The following ST18 variants were observed in gnomAD, a reference collection of about 807,000 sequenced individuals.
ST18 encodes ST18 C2H2C-type zinc finger transcription factor, also known as suppression of tumorigenicity 18 protein.
A neutral mutation model predicts 110.0 loss-of-function variants in ST18; 50 were observed. That is an observed-to-expected ratio of 0.45 (90% CI 0.36 to 0.58). The LOEUF is 0.58. ST18 is among the 20% of genes least tolerant of loss of function. The pLI is 0.00. For synonymous variants in ST18, 461 were observed against 452.4 expected (o/e 1.02, Z -0.24); for missense variants, 1,306 against 1,280.1 (o/e 1.02, Z -0.31).
At chr8:52,289,012 G>A (rs1428490225) in intron 2 of ST18, among the ~76,000 whole-genome samples, 5 of 152,100 alleles carry the variant, frequency 3.3e-5, no homozygotes, top group Non-Finnish European at 7.3e-5. Flanking sequence ...GACCATCAGA[G>A]TTCAGGAACT....
intron 2 of ST18, among the ~76,000 whole-genome samples, chr8:52,278,592 ACC>A (rs1291943213): frequency 1.3e-5 from 2 of 152,114 alleles, no homozygotes; most frequent in Non-Finnish European, 2.9e-5. Context: ...GGAAGCCCAG[ACC>A]CTTGGAAAGA....
At chr8:52,308,798 G>A (rs2095854577) in intron 2 of ST18, among the ~76,000 whole-genome samples, 1 of 152,210 alleles carries the variant, frequency 6.6e-6, no homozygotes, top group Non-Finnish European at 1.5e-5. Flanking sequence ...CACCAGCACT[G>A]TCTGGACTGT....
chr8:52,389,029 G>A (rs1424572976), intron 2 of ST18, among the ~76,000 whole-genome samples: 4 of 151,594 alleles, frequency 2.6e-5, no homozygotes, highest in African/African-American at 7.3e-5. Context: ...GAGAGAGAAG[G>A]GCAGACCAGG....
intron 3 of ST18, among the ~76,000 whole-genome samples, chr8:52,224,933 A>AC (rs1211763955): frequency 6.6e-6 from 1 of 152,154 alleles, no homozygotes; most frequent in Non-Finnish European, 1.5e-5. Flanking sequence ...GCCTTATAGA[A>AC]CCTTTCAAAG....
intron 2 of ST18, among the ~76,000 whole-genome samples, chr8:52,297,243 T>C (rs957580691): frequency 2.4e-4 from 36 of 152,176 alleles, no homozygotes; most frequent in Non-Finnish European, 1.3e-4. Context: ...GCCCTGTCAT[T>C]GTACGTGAAG....
chr8:52,180,077 T>C (rs1193967316), intron 9 of ST18, 45 bp downstream of exon 9: 3 of 1,597,264 alleles, frequency 1.9e-6, no homozygotes, highest in Admixed American at 3.4e-5. Context: ...CACAGAGTCC[T>C]TGGAGCCAGG....
At chr8:52,277,943 T>C (rs956193588) in intron 2 of ST18, among the ~76,000 whole-genome samples, 1 of 152,122 alleles carries the variant, frequency 6.6e-6, no homozygotes, top group African/African-American at 2.4e-5. Flanking sequence ...AAATAGAAAA[T>C]GGGTAATTGG....
At chr8:52,171,564 T>A (rs1158469682) in intron 10 of ST18, 2 of 642,722 alleles carry the variant, frequency 3.1e-6, no homozygotes, top group Non-Finnish European at 2.8e-6. Flanking sequence ...ATAGATTCAA[T>A]GAACCTTTTT....
At chr8:52,121,118 G>A (rs2044602516) in intron 23 of ST18, among the ~76,000 whole-genome samples, 1 of 152,190 alleles carries the variant, frequency 6.6e-6, no homozygotes, top group African/African-American at 2.4e-5. Flanking sequence ...GTGACAGCCT[G>A]AGTTCTTGGT....
At chr8:52,179,642 C>T (rs1404762131) in intron 9 of ST18, among the ~76,000 whole-genome samples, 1 of 151,888 alleles carries the variant, frequency 6.6e-6, no homozygotes, top group Admixed American at 6.6e-5. Flanking sequence ...AGAAACCATA[C>T]ATGTTGATAA....
intron 13 of ST18, 41 bp downstream of exon 13, chr8:52,163,945 T>A: frequency 6.6e-7 from 1 of 1,518,054 alleles, no homozygotes; most frequent in Non-Finnish European, 9.1e-7. Flanking sequence ...TGCAGGAGCC[T>A]GGATGAAGAG....
chr8:52,114,607 T>C (rs188552608), intron 25 of ST18, among the ~76,000 whole-genome samples: 226 of 152,338 alleles, frequency 1.5e-3, no homozygotes, highest in Non-Finnish European at 2.5e-3. Context: ...TGTCCAATCA[T>C]GATTCTCTGT....
intron 2 of ST18, among the ~76,000 whole-genome samples, chr8:52,322,695 T>C (rs572610046): frequency 6.6e-6 from 1 of 152,336 alleles, no homozygotes; most frequent in African/African-American, 2.4e-5. Flanking sequence ...TTCTTTCCAG[T>C]AGAGTAGATA....
chr8:52,219,655 A>G (rs895059758), intron 5 of ST18, among the ~76,000 whole-genome samples: 1 of 152,178 alleles, frequency 6.6e-6, no homozygotes, highest in Admixed American at 6.5e-5. Flanking sequence ...AAATAGATTC[A>G]GTCCACTGTC....
chr8:52,172,581 C>T lies in ST18; in HGVS notation c.280G>A (p.Glu94Lys), dbSNP rs775290821. Residue 94 changes from glutamate (E) to lysine (K), a missense_variant and splice_region_variant, in exon 10 of 26, where the codon GAA becomes AAA. Transcript: ENST00000689386. ...TCATCCATAGGTTTTATCATGATTTCCTCTATGGAAAAAGAAAACCAATAT... is the reference window on the plus strand; with the variant it reads ...TCATCCATAGGTTTTATCATGATTTTCTCTATGGAAAAAGAAAACCAATAT... ...LETHGHSTAE[E>K]IMIKPMDESL... 3 of 1,549,328 alleles carry T rather than the reference C, an allele frequency of 1.9e-6. No individual in the cohort carries two copies. The highest frequency in any genetic ancestry group is 2.6e-6 in the Non-Finnish European group (3 of 1,153,682).
chr8:52,191,796 T>G (rs2074584051), intron 8 of ST18, among the ~76,000 whole-genome samples: 1 of 152,026 alleles, frequency 6.6e-6, no homozygotes, highest in Non-Finnish European at 1.5e-5. Flanking sequence ...TAAGAAAATA[T>G]GCGGGCCCAT....
chr8:52,271,572 C>T (rs2095078282), intron 2 of ST18, among the ~76,000 whole-genome samples: 2 of 152,354 alleles, frequency 1.3e-5, no homozygotes, highest in Admixed American at 6.5e-5. Flanking sequence ...TGAGTACCCA[C>T]GTAGTTTATA....
chr8:52,175,943 C>T (rs983465497), intron 9 of ST18, among the ~76,000 whole-genome samples: 1 of 152,124 alleles, frequency 6.6e-6, no homozygotes, highest in Non-Finnish European at 1.5e-5. Context: ...GCTAAGAACA[C>T]TAGTAGCTCA....
intron 2 of ST18, among the ~76,000 whole-genome samples, chr8:52,330,624 T>A (rs1410407554): frequency 6.6e-6 from 1 of 152,224 alleles, no homozygotes; most frequent in Non-Finnish European, 1.5e-5. Context: ...TTTATGCTGA[T>A]ACAGTACAGC....
Sources: gnomAD v4.1 joint callset for allele counts (sites outside exome capture counted in the v4.1 genomes callset) on GRCh38, gnomAD v4.1.1 for gene constraint, MANE v1.5 for transcripts, NCBI Gene and HGNC (gene_info 2026-07-23, HGNC 2026-07-21) for gene names.